Variants in MARK4 observed in about 807,000 individuals in gnomAD.
MARK4 encodes microtubule affinity regulating kinase 4.
Under a neutral mutation model 81.5 loss-of-function variants are expected in MARK4, and 19 were observed. The observed-to-expected ratio is 0.23, with a 90% confidence interval of 0.16 to 0.34. The LOEUF is 0.34. MARK4 is among the 10% of genes least tolerant of loss of function. The pLI is 1.00. For synonymous variants in MARK4, 436 were observed against 439.0 expected, an observed-to-expected ratio of 0.99 and a Z score of 0.08; for missense variants, 772 against 1,058.8, an observed-to-expected ratio of 0.73 and a Z score of 3.76.
chr19:45,259,205 G>C lies in MARK4; in HGVS notation c.252+16G>C, dbSNP rs530418171. ...TGGTCGGGAGGTGAGTATGGGCACAGGGTGGGGCTCGGGGCAGGTCCCTGT... is the reference window on the plus strand; with the variant it reads ...TGGTCGGGAGGTGAGTATGGGCACACGGTGGGGCTCGGGGCAGGTCCCTGT... On this transcript the variant is annotated intron_variant, in intron 2 of 16. Transcript: ENST00000262891. 2 of 1,613,134 alleles carry C rather than the reference G, an allele frequency of 1.2e-6. No homozygotes were observed. The highest frequency in any genetic ancestry group is 1.3e-5 in the African/African-American group (1 of 75,056).
chr19:45,280,541 G>A, intron 11 of MARK4, 34 bp from the exon 12 acceptor site: 1 of 1,613,990 alleles, frequency 6.2e-7, no homozygotes, highest in Non-Finnish European at 8.5e-7. Flanking sequence ...GGGACTTGGG[G>A]TGCAGAAGAG....
intron 13 of MARK4, among the ~76,000 whole-genome samples, chr19:45,289,623 A>T (rs1482173417): frequency 2.0e-5 from 3 of 151,160 alleles, no homozygotes; most frequent in African/African-American, 7.3e-5. Flanking sequence ...TACAAAACTT[A>T]GCCAGGCGTG....
At chr19:45,268,213 G>A (rs1970480328) in intron 7 of MARK4, among the ~76,000 whole-genome samples, 1 of 152,166 alleles carries the variant, frequency 6.6e-6, no homozygotes, top group Non-Finnish European at 1.5e-5. Flanking sequence ...GGCTGTGGTG[G>A]GAGGATTGCT....
chr19:45,256,161 G>C (rs544831683), intron 1 of MARK4, among the ~76,000 whole-genome samples: 107 of 152,336 alleles, frequency 7.0e-4, no homozygotes, highest in African/African-American at 2.3e-3. Context: ...TACCCTGCAG[G>C]GGGTGGTGGC....
chr19:45,278,104 C>T, intron 9 of MARK4, 62 bp downstream of exon 9: 2 of 1,592,878 alleles, frequency 1.3e-6, no homozygotes, highest in Non-Finnish European at 1.7e-6. Flanking sequence ...TAAACTCTGC[C>T]TGCCCCCACC....
chr19:45,262,697 T>C (rs1359140070), intron 2 of MARK4, among the ~76,000 whole-genome samples: 2 of 152,300 alleles, frequency 1.3e-5, no homozygotes, highest in East Asian at 3.9e-4. Context: ...GGACAGCTTG[T>C]GCAAAGGCCC....
chr19:45,297,861 C>T lies in MARK4; in HGVS notation c.1784C>T (p.Pro595Leu). ...GTGCAGAATGGGCCCCCTGCCTCTC[C>T]CACACTGGCCCATGAGGCTGCACCC... is the stretch of plus-strand genomic sequence containing the variant. The part of the protein sequence containing the change: ...GGVQNGPPAS[P>L]TLAHEAAPLP... The change falls in exon 15 of 17, where the codon CCC (proline) becomes CTC (leucine). Residue 595 changes from proline (P) to leucine (L), a missense_variant. Pro to Leu is a moderately conservative substitution (Grantham distance 98). Around this residue, in one of 3 missense-constraint regions of MARK4, gnomAD observed 548 missense variants for 624.3 expected, o/e 0.88. Coordinates refer to ENST00000262891, the MANE Select transcript of MARK4 (RefSeq NM_001199867.2). 6.5e-7 allele frequency: 1 copy of T among 1,549,650 alleles called. No individual in the cohort carries two copies. Among genetic ancestry groups the T allele is most frequent in the African/African-American group, 1.4e-5 (1 of 73,200 alleles).
intron 8 of MARK4, among the ~76,000 whole-genome samples, chr19:45,274,746 C>CT (rs1242411024): frequency 1.3e-5 from 2 of 152,184 alleles, no homozygotes; most frequent in East Asian, 1.9e-4. Context: ...AAGCATGAAG[C>CT]TAAGAGACCT....
At chr19:45,299,916 C>T (rs1727544207) in intron 16 of MARK4, 61 bp downstream of exon 16, 1 of 1,523,786 alleles carries the variant, frequency 6.6e-7, no homozygotes, top group Non-Finnish European at 8.9e-7. Flanking sequence ...CACCTCCCGA[C>T]ACTTACCCCA....
At chr19:45,293,779 G>A (rs554342670) in intron 13 of MARK4, among the ~76,000 whole-genome samples, 19 of 152,312 alleles carry the variant, frequency 1.2e-4, no homozygotes, top group African/African-American at 4.6e-4. Flanking sequence ...AACAGACATT[G>A]ACAGCACAGT....
chr19:45,258,235 T>C (rs8111118), intron 1 of MARK4, among the ~76,000 whole-genome samples: 1 of 151,756 alleles, frequency 6.6e-6, no homozygotes, highest in African/African-American at 2.4e-5. Context: ...TCCACCCACC[T>C]CAGCCTCCCA....
intron 2 of MARK4, among the ~76,000 whole-genome samples, chr19:45,262,419 G>A (rs1220072717): frequency 1.3e-5 from 2 of 152,182 alleles, no homozygotes; most frequent in African/African-American, 2.4e-5. Context: ...AGGTTGTTGT[G>A]AAGATTAAGA....
chr19:45,257,536 AC>A (rs1383130608), intron 1 of MARK4, among the ~76,000 whole-genome samples: 2 of 150,210 alleles, frequency 1.3e-5, no homozygotes, highest in Non-Finnish European at 3.0e-5. Flanking sequence ...GGTGCGCGTC[AC>A]CATGTCCGGC....
chr19:45,270,295 T>C (rs1970509001), intron 7 of MARK4, among the ~76,000 whole-genome samples: 1 of 151,820 alleles, frequency 6.6e-6, no homozygotes, highest in Admixed American at 6.6e-5. Context: ...ACACAGCGAG[T>C]GAGTGGTGGA....
intron 12 of MARK4, among the ~76,000 whole-genome samples, chr19:45,280,954 C>T (rs929203905): frequency 2.0e-5 from 3 of 152,000 alleles, no homozygotes; most frequent in African/African-American, 7.2e-5. Flanking sequence ...AGCAGCCAGA[C>T]CCAGAGCAGA....
At position 45,304,124 on chromosome 19, in the gene MARK4, G is replaced by C. The variant is rs1340155556; in HGVS notation, c.*1414G>C. ...CAGGTAGGTTTGATCCAGGCATCAG[G>C]CCATTGCATCTATTTTTTCAGTGTA... is the stretch of plus-strand genomic sequence containing the variant. On this transcript the variant is annotated 3_prime_UTR_variant, in exon 17 of 17. Transcript: ENST00000262891. 1.3e-5 allele frequency: 2 copies of C among 152,236 alleles called. No individual in the cohort carries two copies. Among genetic ancestry groups the C allele is most frequent in the African/African-American group, 4.8e-5 (2 of 41,446 alleles). The allele number at this position is 152,236 out of a possible 1,614,324, so 9.4% of individuals were successfully genotyped here.
rs150105055 is a variant in MARK4 at position 45,255,296 on chromosome 19, C to T, written c.51+3657C>T. On this transcript the variant is annotated intron_variant, in intron 1 of 16. Transcript: ENST00000262891. ...GTGGAAACTATCGGGCACGGTGGCT[C>T]ATGCCTGTAATCCCAGCACTTTGGG... Among the ~76,000 whole-genome samples, 446 of 152,124 alleles carry T rather than the reference C, an allele frequency of 2.9e-3. 2 individuals carry two copies. Among genetic ancestry groups the T allele is most frequent in the Middle Eastern group, 0.01 (3 of 294 alleles).
chr19:45,272,523 G>GT (rs1200274776), intron 8 of MARK4, among the ~76,000 whole-genome samples: 1 of 152,122 alleles, frequency 6.6e-6, no homozygotes, highest in African/African-American at 2.4e-5. Flanking sequence ...GAGGCTGGGG[G>GT]GGAGGAGCAA....
rs1434763733 is a variant in MARK4 at position 45,297,248 on chromosome 19, T to C, written c.1599-428T>C. Among the ~76,000 whole-genome samples, 3 of 152,250 alleles carry C rather than the reference T, an allele frequency of 2.0e-5. No individual in the cohort carries two copies. The South Asian group carries it at 6.2e-4, about 32-fold the overall frequency. On this transcript the variant is annotated intron_variant, in intron 14 of 16. Coordinates refer to ENST00000262891, the MANE Select transcript of MARK4 (RefSeq NM_001199867.2). Reference sequence around the variant, plus strand: ...CCCAGATTACCATAGTGAATACAGGTATCCTTGACCTTTACATCTATCCCT... The same window carrying C: ...CCCAGATTACCATAGTGAATACAGGCATCCTTGACCTTTACATCTATCCCT...
Sources: gnomAD v4.1 joint callset for allele counts (sites outside exome capture counted in the v4.1 genomes callset) on GRCh38, gnomAD v4.1.1 for gene constraint, gnomAD v4.1.1 regional missense constraint, MANE v1.5 for transcripts, NCBI Gene and HGNC (gene_info 2026-07-23, HGNC 2026-07-21) for gene names.